The following PRMT8 variants were observed in gnomAD, a reference collection of about 807,000 sequenced individuals.
PRMT8 encodes the protein protein arginine N-methyltransferase 8.
A neutral mutation model predicts 47.1 loss-of-function variants in PRMT8; 7 were observed. That is an observed-to-expected ratio of 0.15 (90% CI 0.08 to 0.28). The LOEUF (loss-of-function observed/expected upper bound fraction) is 0.28. Among genes scored for constraint, PRMT8 ranks in the 10% least tolerant of loss-of-function variants. The probability of loss-of-function intolerance (pLI) is 1.00; values close to 1 mark genes in which losing one functional copy is unlikely to be tolerated. For missense variants in PRMT8, 237 were observed against 505.4 expected (o/e 0.47, Z 5.09); for synonymous variants, 188 against 186.5 (o/e 1.01, Z -0.07).
intron 1 of PRMT8, among the ~76,000 whole-genome samples, chr12:3,391,608 T>C (rs1212202734): frequency 6.6e-6 from 1 of 152,170 alleles, no homozygotes; most frequent in African/African-American, 2.4e-5. Context: ...CTGAGTGGAA[T>C]GCGAAGCCAC....
chr12:3,434,073 G>A lies in PRMT8; in HGVS notation c.48+52631G>A, dbSNP rs543053992. Among the ~76,000 whole-genome samples the A allele has an allele frequency of 9.8e-5, 15 of 152,294 alleles. No individual in the cohort carries two copies. The South Asian group carries it at 2.7e-3, about 27-fold the overall frequency. On this transcript the variant is annotated intron_variant, in intron 1 of 9. Transcript: ENST00000452611. ...CGGGAGCAGGAAGGGAGAATGAAAAGGAACGTGAAGAGCCTTGGACACAAC... is the reference window on the plus strand; with the variant it reads ...CGGGAGCAGGAAGGGAGAATGAAAAAGAACGTGAAGAGCCTTGGACACAAC...
chr12:3,397,824 G>A (rs1194096602), intron 1 of PRMT8, among the ~76,000 whole-genome samples: 1 of 152,172 alleles, frequency 6.6e-6, no homozygotes, highest in Non-Finnish European at 1.5e-5. Flanking sequence ...CTGCCGCCTT[G>A]CAGTTTGATC....
chr12:3,556,928 G>A, intron 4 of PRMT8, among the ~76,000 whole-genome samples: 1 of 152,194 alleles, frequency 6.6e-6, no homozygotes, highest in East Asian at 1.9e-4. Context: ...GGCGGCCTTT[G>A]CCTTGGGGCA....
chr12:3,536,101 C>T (rs1466660642), intron 1 of PRMT8, among the ~76,000 whole-genome samples: 2 of 152,158 alleles, frequency 1.3e-5, no homozygotes, highest in Non-Finnish European at 2.9e-5. Flanking sequence ...CCATAGAATA[C>T]CCATATGTCT....
chr12:3,568,188 T>C (rs977781692), intron 4 of PRMT8, among the ~76,000 whole-genome samples: 1 of 151,950 alleles, frequency 6.6e-6, no homozygotes, highest in Admixed American at 6.5e-5. Context: ...AGAGGAAATA[T>C]ATTTACCACT....
chr12:3,386,855 G>A (rs1018701555), intron 1 of PRMT8, among the ~76,000 whole-genome samples: 6 of 151,856 alleles, frequency 4.0e-5, no homozygotes, highest in South Asian at 2.1e-4. Flanking sequence ...GATTACAGGC[G>A]CCTGCCACCA....
chr12:3,400,997 A>T (rs1176682415), intron 1 of PRMT8, among the ~76,000 whole-genome samples: 9 of 152,050 alleles, frequency 5.9e-5, no homozygotes, highest in Non-Finnish European at 8.8e-5. Context: ...TACAAAAAAA[A>T]TTAGCTGGGC....
At chr12:3,414,508 G>A (rs996265230) in intron 1 of PRMT8, among the ~76,000 whole-genome samples, 9 of 152,164 alleles carry the variant, frequency 5.9e-5, no homozygotes, top group African/African-American at 2.2e-4. Context: ...AAGCGAGTGT[G>A]GGAACCGGAG....
intron 1 of PRMT8, among the ~76,000 whole-genome samples, chr12:3,498,594 C>T (rs913887763): frequency 1.3e-5 from 2 of 152,100 alleles, no homozygotes; most frequent in African/African-American, 4.8e-5. Flanking sequence ...TATCCCTAGG[C>T]GTGGGTTCCT....
chr12:3,560,459 C>T (rs919213636), intron 4 of PRMT8, among the ~76,000 whole-genome samples: 20 of 152,280 alleles, frequency 1.3e-4, no homozygotes, highest in African/African-American at 1.9e-4. Context: ...GGCCCACACG[C>T]GCGCTTCAGT....
chr12:3,550,100 G>T lies in PRMT8; in HGVS notation c.417+9G>T, dbSNP rs527719445. On this transcript the variant is annotated intron_variant, in intron 3 of 9. Coordinates refer to ENST00000382622, the MANE Select transcript of PRMT8 (RefSeq NM_019854.5). The surrounding 1 kb of genome is among the most constrained non-coding windows in gnomAD (Gnocchi z 5.1). ...CCAAGAAGGTGTTTGGGGTGAGCAC[G>T]CCGCTTCCTCCTGCATGCTGGCTTC... is the stretch of plus-strand genomic sequence containing the variant. 1 of 1,613,142 alleles carries T rather than the reference G, an allele frequency of 6.2e-7. No individual in the cohort carries two copies.
chr12:3,536,522 C>A (rs567736172), intron 1 of PRMT8, among the ~76,000 whole-genome samples: 1 of 152,162 alleles, frequency 6.6e-6, no homozygotes, highest in African/African-American at 2.4e-5. Flanking sequence ...TGACCTTGAC[C>A]GTGCACAATG....
intron 1 of PRMT8, among the ~76,000 whole-genome samples, chr12:3,450,378 C>T (rs553057902): frequency 6.6e-6 from 1 of 152,246 alleles, no homozygotes; most frequent in South Asian, 2.1e-4. Flanking sequence ...TAAATGTTGA[C>T]AAGTCTCATT....
At chr12:3,467,101 G>C (rs11062660) in intron 1 of PRMT8, among the ~76,000 whole-genome samples, 1 of 151,814 alleles carries the variant, frequency 6.6e-6, no homozygotes, top group Non-Finnish European at 1.5e-5. Context: ...TTAACCGGGC[G>C]TGGTGGCGGG....
intron 1 of PRMT8, among the ~76,000 whole-genome samples, chr12:3,447,286 T>A (rs1864868371): frequency 6.6e-6 from 1 of 152,206 alleles, no homozygotes; most frequent in African/African-American, 2.4e-5. Flanking sequence ...AGAGTAGATG[T>A]TTGATGTCAG....
At chr12:3,558,281 T>C (rs1487870677) in intron 4 of PRMT8, among the ~76,000 whole-genome samples, 1 of 152,034 alleles carries the variant, frequency 6.6e-6, no homozygotes, top group Non-Finnish European at 1.5e-5. Context: ...TTCTTTATTT[T>C]AACCTTTGAA....
At chr12:3,407,294 T>C (rs1375784255) in intron 1 of PRMT8, among the ~76,000 whole-genome samples, 1 of 152,174 alleles carries the variant, frequency 6.6e-6, no homozygotes, top group Non-Finnish European at 1.5e-5. Flanking sequence ...GATGAGATTT[T>C]GGTGGGGACA....
At chr12:3,397,944 G>T (rs372961851) in intron 1 of PRMT8, among the ~76,000 whole-genome samples, 1 of 152,210 alleles carries the variant, frequency 6.6e-6, no homozygotes, top group African/African-American at 2.4e-5. Context: ...TCGGAAAAGC[G>T]CAGTATTCGG....
chr12:3,540,505 G>A, intron 1 of PRMT8, 101 bp from the exon 2 acceptor site: 2 of 790,626 alleles, frequency 2.5e-6, no homozygotes, highest in Non-Finnish European at 4.2e-6. Flanking sequence ...GTGGCTGCTT[G>A]AGGCCGGGCT....
Sources: allele counts gnomAD v4.1 joint callset (sites outside exome capture counted in the v4.1 genomes callset), GRCh38; gene constraint gnomAD v4.1.1; non-coding constraint Gnocchi (gnomAD v3.1); transcripts MANE v1.5; gene names NCBI Gene and HGNC (gene_info 2026-07-23, HGNC 2026-07-21).